ZNF652: variants seen among roughly 807,000 people sequenced by gnomAD.
ZNF652 encodes the protein zinc finger protein 652.
A neutral mutation model predicts 45.2 loss-of-function variants in ZNF652; 16 were observed. The observed-to-expected ratio is 0.35, with a 90% CI of 0.24 to 0.54. ZNF652 has a LOEUF of 0.54. ZNF652 is among the 20% of genes least tolerant of loss of function. ZNF652 has a pLI of 0.91. For missense variants in ZNF652, 614 were observed against 765.6 expected (o/e 0.80, Z 2.34); for synonymous variants, 250 against 260.6 (o/e 0.96, Z 0.39).
chr17:49,346,281 T>C (rs1225669467), intron 1 of ZNF652, among the ~76,000 whole-genome samples: 3 of 152,262 alleles, frequency 2.0e-5, no homozygotes, highest in African/African-American at 7.2e-5. Context: ...ATGGGCTCAG[T>C]GGCTAATGCC....
At chr17:49,335,602 G>C (rs1040358095) in intron 1 of ZNF652, among the ~76,000 whole-genome samples, 3 of 151,800 alleles carry the variant, frequency 2.0e-5, no homozygotes, top group African/African-American at 7.3e-5. Flanking sequence ...TTTGCATTGA[G>C]GTCATACTTT....
chr17:49,305,565 A>C (rs1267521991), intron 5 of ZNF652, among the ~76,000 whole-genome samples: 1 of 152,150 alleles, frequency 6.6e-6, no homozygotes. Flanking sequence ...GTATCTGGTA[A>C]AGTGCTTACA....
At chr17:49,321,422 CTTTTTTTTT>C (rs11350404) in intron 1 of ZNF652, among the ~76,000 whole-genome samples, 2 of 73,230 alleles carry the variant, frequency 2.7e-5, no homozygotes, top group African/African-American at 6.0e-5. Flanking sequence ...CACCACCACG[CTTTTTTTTT>C]TTTTTTTTTT....
chr17:49,333,772 G>A (rs2070052266), intron 1 of ZNF652, among the ~76,000 whole-genome samples: 1 of 146,718 alleles, frequency 6.8e-6, no homozygotes, highest in African/African-American at 2.5e-5. Flanking sequence ...AATGCGTAAA[G>A]GAAAAGATGC....
In ZNF652 at chr17:49,317,186, C is replaced by T. The variant is rs1482872838; in HGVS notation, c.540G>A (p.Lys180=). 2 of 1,613,632 alleles carry T rather than the reference C, an allele frequency of 1.2e-6. No homozygotes were observed. The highest frequency in any genetic ancestry group is 1.3e-5 in the African/African-American group (1 of 74,878). Residue 180 remains lysine (K), a synonymous_variant, in exon 2 of 6, where the codon AAG becomes AAA. Transcript: ENST00000430262. The stretch of plus-strand genomic sequence containing the variant: ...GTGTAACGCTGACTTTCTCTACTAT[C>T]TTCTCCTTTTTCTTCTGCTTTTCAT... The part of the protein sequence containing the change: ...GENEKQKKKE[K]IVEKVSVTQR...
chr17:49,304,897 C>CAT (rs1567915447), intron 5 of ZNF652, among the ~76,000 whole-genome samples: 1 of 149,020 alleles, frequency 6.7e-6, no homozygotes, highest in African/African-American at 2.5e-5. Context: ...TATATATATA[C>CAT]ACACACACAT....
chr17:49,360,721 C>A (rs533429178), intron 1 of ZNF652, among the ~76,000 whole-genome samples: 48 of 152,210 alleles, frequency 3.2e-4, no homozygotes, highest in African/African-American at 1.1e-3. Context: ...TTGCCATTCC[C>A]AGAACAATAC....
Position 49,316,937 on chromosome 17 carries a change from G to A in ZNF652, c.789C>T (p.His263=), listed in dbSNP as rs114370602. ...GCATGCGCCTATGAGTAACGTTCAT[G>A]TGCTTCTCCAGGTACCAGCGAGTGT... is the stretch of plus-strand genomic sequence containing the variant. ...VFNTRWYLEK[H]MNVTHRRMQI... is the part of the protein sequence containing the mutation. Residue 263 remains histidine, a synonymous_variant, in exon 2 of 6, where the codon CAC becomes CAT. Coordinates refer to ENST00000430262, the MANE Select transcript of ZNF652 (RefSeq NM_001145365.3). 246 of 1,614,134 alleles carry A rather than the reference G, an allele frequency of 1.5e-4. 1 individual carries two copies. The African/African-American group carries it at 2.7e-3, about 18-fold the overall frequency.
intron 1 of ZNF652, among the ~76,000 whole-genome samples, chr17:49,351,014 TACAC>T (rs370792940): frequency 0.021 from 603 of 29,232 alleles, 7 homozygotes; most frequent in East Asian, 0.025. Flanking sequence ...TATATATATA[TACAC>T]ACACACACAC....
At chr17:49,334,726 C>G (rs1260460869) in intron 1 of ZNF652, among the ~76,000 whole-genome samples, 1 of 150,582 alleles carries the variant, frequency 6.6e-6, no homozygotes, top group Non-Finnish European at 1.5e-5. Context: ...TTGCAGTGAG[C>G]TGAGATCTTG....
intron 1 of ZNF652, among the ~76,000 whole-genome samples, chr17:49,337,347 A>G (rs1166607342): frequency 6.6e-6 from 1 of 151,100 alleles, no homozygotes; most frequent in Non-Finnish European, 1.5e-5. Context: ...TAAAAAAAAA[A>G]AAAAAAAGAA....
chr17:49,288,481 A>C (rs981897972), downstream of ZNF652: 1 of 152,196 alleles, frequency 6.6e-6, no homozygotes, highest in Non-Finnish European at 1.5e-5. Context: ...TGGGCTGGGA[A>C]GGCTTATTAT....
At chr17:49,339,337 G>GT (rs2070119242) in intron 1 of ZNF652, among the ~76,000 whole-genome samples, 9 of 97,222 alleles carry the variant, frequency 9.3e-5, no homozygotes, top group African/African-American at 3.6e-4. Context: ...TTTTTTAAGT[G>GT]TATTTTCCAT....
chr17:49,312,130 A>C, intron 3 of ZNF652, 88 bp from the exon 4 acceptor site: 1 of 667,416 alleles, frequency 1.5e-6, no homozygotes, highest in Non-Finnish European at 2.5e-6. Context: ...CAATTAGGCC[A>C]TCCTAATTTT....
At chr17:49,315,559 TA>T (rs10542422) in intron 2 of ZNF652, among the ~76,000 whole-genome samples, 49,945 of 143,342 alleles carry the variant, frequency 0.35, 8,542 homozygotes, top group South Asian at 0.48. Flanking sequence ...AGACTTAAGT[TA>T]AAAAAAAAAA....
intron 1 of ZNF652, among the ~76,000 whole-genome samples, chr17:49,328,324 A>C (rs766782510): frequency 2.0e-5 from 3 of 152,026 alleles, no homozygotes; most frequent in Admixed American, 6.6e-5. Context: ...CACACAAAAA[A>C]CACCACAGGA....
chr17:49,312,051 CAG>C lies in ZNF652; in HGVS notation c.1049-11_1049-10del, dbSNP rs746592821. On this transcript the variant is annotated splice_polypyrimidine_tract_variant and intron_variant, in intron 3 of 5. Coordinates refer to ENST00000430262, the MANE Select transcript of ZNF652 (RefSeq NM_001145365.3). ...CATGTCTTTTGTGTGTGCTGCAACA[CAG>C]AATGTACTTAGTGTCAAAACAAAAT... The C allele has an allele frequency of 8.9e-5, 142 of 1,599,320 alleles. No homozygotes were observed. The highest frequency in any genetic ancestry group is 1.2e-4 in the Non-Finnish European group (137 of 1,169,572).
chr17:49,299,402 C>G (rs982884603), intron 5 of ZNF652, among the ~76,000 whole-genome samples: 1 of 151,928 alleles, frequency 6.6e-6, no homozygotes, highest in African/African-American at 2.4e-5. Flanking sequence ...TTTTTTGAGA[C>G]AGAGTTTTGC....
At chr17:49,331,555 TTGACTAGATCATTG>T (rs1313408583) in intron 1 of ZNF652, among the ~76,000 whole-genome samples, 1 of 152,172 alleles carries the variant, frequency 6.6e-6, no homozygotes, top group African/African-American at 2.4e-5. Context: ...AGATGTCAAA[TTGACTAGATCATTG>T]TGAACCTGAA....
Sources: allele counts gnomAD v4.1 joint callset (sites outside exome capture counted in the v4.1 genomes callset), GRCh38; gene constraint gnomAD v4.1.1; transcripts MANE v1.5; gene names NCBI Gene and HGNC (gene_info 2026-07-23, HGNC 2026-07-21).